The following GSE1 variants were observed in gnomAD, a reference collection of about 807,000 sequenced individuals.
GSE1 encodes Gse1 coiled-coil protein, also known as genetic suppressor element 1.
A neutral mutation model predicts 112.6 loss-of-function variants in GSE1; 32 were observed. That is an observed-to-expected ratio of 0.28 (90% CI 0.21 to 0.38). The LOEUF is 0.38. Ranked by LOEUF, GSE1 falls within the 10% of genes least tolerant of loss-of-function variation. GSE1 has a pLI of 1.00. For missense variants in GSE1, 2,348 were observed against 1,699.2 expected (o/e 1.38, Z -6.71); for synonymous variants, 1,115 against 735.6 (o/e 1.52, Z -8.35).
chr16:85,613,236 A>G, upstream of GSE1: 1 of 1,512,860 alleles, frequency 6.6e-7, no homozygotes, highest in East Asian at 2.6e-5. Context: ...CGACAGCAGC[A>G]GGTGTTTCTT....
At chr16:85,445,369 G>C (rs2049483689) in intron 2 of GSE1, among the ~76,000 whole-genome samples, 1 of 152,248 alleles carries the variant, frequency 6.6e-6, no homozygotes, top group Admixed American at 6.5e-5. Context: ...TGAACATGGG[G>C]GGCGGGAGAG....
intron 1 of GSE1, among the ~76,000 whole-genome samples, chr16:85,620,211 C>T (rs992680786): frequency 8.5e-5 from 13 of 152,134 alleles, no homozygotes; most frequent in Non-Finnish European, 1.2e-4. Context: ...ACTTGAGCCC[C>T]GGAGCTCGAG....
At chr16:85,504,096 T>C (rs1375126727) in intron 2 of GSE1, among the ~76,000 whole-genome samples, 1 of 152,234 alleles carries the variant, frequency 6.6e-6, no homozygotes, top group East Asian at 1.9e-4. Context: ...CTGTGTTTAC[T>C]GCTGATCCCT....
intron 2 of GSE1, among the ~76,000 whole-genome samples, chr16:85,448,468 A>G (rs548035941): frequency 3.9e-5 from 6 of 152,292 alleles, no homozygotes; most frequent in Admixed American, 3.9e-4. Context: ...GTGTACCTGG[A>G]GATGCTCCAG....
At chr16:85,500,605 G>C (rs1047248152) in intron 2 of GSE1, among the ~76,000 whole-genome samples, 21 of 152,218 alleles carry the variant, frequency 1.4e-4, no homozygotes. Context: ...CACCCGAGTG[G>C]GGTGTGCCAG....
intron 2 of GSE1, among the ~76,000 whole-genome samples, chr16:85,394,401 G>C (rs1461862532): frequency 1.3e-5 from 2 of 152,036 alleles, no homozygotes; most frequent in African/African-American, 2.4e-5. Context: ...TAATCGGGGA[G>C]GTCGGGGGCT....
intron 2 of GSE1, among the ~76,000 whole-genome samples, chr16:85,471,891 A>C (rs1156351600): frequency 6.6e-6 from 1 of 152,156 alleles, no homozygotes. Context: ...CACATTTGTT[A>C]AGTGCCCACT....
At chr16:85,401,941 T>G (rs532660864) in intron 2 of GSE1, among the ~76,000 whole-genome samples, 1 of 152,290 alleles carries the variant, frequency 6.6e-6, no homozygotes, top group Admixed American at 6.5e-5. Flanking sequence ...TTCTGGGGGA[T>G]CCAGGTATGA....
intron 2 of GSE1, among the ~76,000 whole-genome samples, chr16:85,372,845 G>A (rs2047331622): frequency 6.6e-6 from 1 of 152,180 alleles, no homozygotes; most frequent in Non-Finnish European, 1.5e-5. Context: ...GAGGTGGGCA[G>A]GCTCCTCCCC....
Position 85,563,162 on chromosome 16 carries a change from ATCC to A in GSE1, c.37+6820_37+6822del, listed in dbSNP as rs199727526. Among the ~76,000 whole-genome samples, 289 of 148,628 alleles carry A rather than the reference ATCC, an allele frequency of 1.9e-3. 1 individual carries two copies. Among genetic ancestry groups the A allele is most frequent in the Middle Eastern group, 3.7e-3 (1 of 272 alleles). ...GTGAGGGAATCAACATCCACATGGT[ATCC>A]TCCTCCTCCTCCTCCTCCTCTTCCT... On this transcript the variant is annotated intron_variant, in intron 1 of 2. Coordinates refer to the GSE1 transcript ENST00000635906.
At position 85,506,408 on chromosome 16, in the gene GSE1, C is replaced by T. The variant is rs944845936; in HGVS notation, c.2465-127506C>T. ...TGGGGAAGGCTCAGCTGATGGATGG[C>T]GTCCAAGCGTAGCCCTGAGGGATCT... On this transcript the variant is annotated intron_variant, in intron 2 of 2. Transcript: ENST00000637419. 5.3e-5 allele frequency among the ~76,000 whole-genome samples: 8 copies of T among 151,926 alleles called. No homozygotes were observed. The South Asian group carries it at 1.0e-3, about 20-fold the overall frequency.
chr16:85,240,388 A>T (rs924089685), intron 1 of GSE1, among the ~76,000 whole-genome samples: 3 of 151,668 alleles, frequency 2.0e-5, no homozygotes, highest in African/African-American at 7.3e-5. Flanking sequence ...GGTAGACCAG[A>T]CCCCCACCAA....
At chr16:85,395,273 C>T (rs958204901) in intron 2 of GSE1, among the ~76,000 whole-genome samples, 2 of 152,182 alleles carry the variant, frequency 1.3e-5, no homozygotes, top group Non-Finnish European at 2.9e-5. Flanking sequence ...ATCCAAGCCC[C>T]GAGCTGCTGA....
chr16:85,646,460 C>T (rs2050878705), intron 2 of GSE1, among the ~76,000 whole-genome samples: 1 of 152,224 alleles, frequency 6.6e-6, no homozygotes, highest in Non-Finnish European at 1.5e-5. Context: ...GTGCCTGCTC[C>T]TGCTGGAACC....
At chr16:85,446,853 G>C (rs1436387554) in intron 2 of GSE1, among the ~76,000 whole-genome samples, 1 of 152,048 alleles carries the variant, frequency 6.6e-6, no homozygotes, top group African/African-American at 2.4e-5. Context: ...TTCCTCCCAG[G>C]GCCCGCAACC....
intron 2 of GSE1, among the ~76,000 whole-genome samples, chr16:85,425,207 C>T (rs1321876526): frequency 6.8e-6 from 1 of 146,686 alleles, no homozygotes; most frequent in Non-Finnish European, 1.5e-5. Flanking sequence ...GGGCCAGCCA[C>T]GATAGAAGCT....
intron 1 of GSE1, among the ~76,000 whole-genome samples, chr16:85,561,651 G>A (rs1473726915): frequency 6.6e-6 from 1 of 152,218 alleles, no homozygotes; most frequent in South Asian, 2.1e-4. Context: ...CTAGGACTCG[G>A]GGTCCCCCTG....
At chr16:85,267,148 G>A (rs990212046) in intron 1 of GSE1, among the ~76,000 whole-genome samples, 44 of 152,164 alleles carry the variant, frequency 2.9e-4, no homozygotes, top group Non-Finnish European at 3.7e-4. Context: ...GAAGGCTATC[G>A]GAGCAGCGGC....
At chr16:85,628,406 C>T (rs1019007678) in intron 1 of GSE1, among the ~76,000 whole-genome samples, 3 of 152,258 alleles carry the variant, frequency 2.0e-5, no homozygotes, top group East Asian at 3.9e-4. Flanking sequence ...CCATGGGGCC[C>T]GGGGAGCAGA....
Sources: allele counts gnomAD v4.1 joint callset (sites outside exome capture counted in the v4.1 genomes callset), GRCh38; gene constraint gnomAD v4.1.1; transcripts MANE v1.5; gene names NCBI Gene and HGNC (gene_info 2026-07-23, HGNC 2026-07-21).